Variants in SLC25A28 observed in about 807,000 individuals in gnomAD.
The protein encoded by SLC25A28 is mitoferrin-2.
Under a neutral mutation model 31.9 loss-of-function variants are expected in SLC25A28, and 10 were observed. That is an observed-to-expected ratio of 0.31 (90% CI 0.19 to 0.53). The LOEUF is 0.53. Among genes scored for constraint, SLC25A28 ranks in the 20% least tolerant of loss-of-function variants. The pLI, the probability that SLC25A28 is intolerant of heterozygous loss-of-function variation, is 0.95. For missense variants in SLC25A28, 256 were observed against 490.3 expected, an observed-to-expected ratio of 0.52 and a Z score of 4.51; for synonymous variants, 208 against 203.6, an observed-to-expected ratio of 1.02 and a Z score of -0.19.
intron 1 of SLC25A28, chr10:99,618,732 T>G: frequency 3.0e-6 from 3 of 985,460 alleles, no homozygotes; most frequent in South Asian, 9.4e-5. Context: ...GTTAAAATAC[T>G]CCTGCCAGTT....
At chr10:99,655,724 T>C in the SLC25A28 span, among the ~76,000 whole-genome samples, 1 of 152,216 alleles carries the variant, frequency 6.6e-6, no homozygotes, top group African/African-American at 2.4e-5. Flanking sequence ...TTTCATATTA[T>C]TAGCTAAAAT....
rs1218476246 is a variant in SLC25A28, at chr10:99,612,697, C to T, written c.521-98G>A. On this transcript the variant is annotated intron_variant, in intron 2 of 3. Transcript: ENST00000370495. ...GGGGAGTGGCTGTGCTACACTACAG[C>T]GGGGAAAAGTAACGTTAAGAGCTAG... 5.1e-6 allele frequency: 7 copies of T among 1,367,030 alleles called. 1 individual carries two copies. Among genetic ancestry groups the T allele is most frequent in the South Asian group, 3.5e-5 (3 of 85,996 alleles). The allele number at this position is 1,367,030 out of a possible 1,614,324, so 84.7% of individuals were successfully genotyped here.
the SLC25A28 span, among the ~76,000 whole-genome samples, chr10:99,646,024 G>A: frequency 6.6e-6 from 1 of 152,200 alleles, no homozygotes; most frequent in Non-Finnish European, 1.5e-5. Flanking sequence ...CCCACTTGAG[G>A]AGGCAGTCTG....
chr10:99,651,996 C>T, the SLC25A28 span: 4 of 152,164 alleles, frequency 2.6e-5, no homozygotes, highest in Non-Finnish European at 5.9e-5. Flanking sequence ...AGATTTTCTT[C>T]TCTATTTTCT....
chr10:99,648,198 C>T, the SLC25A28 span, among the ~76,000 whole-genome samples: 1 of 150,612 alleles, frequency 6.6e-6, no homozygotes, highest in African/African-American at 2.4e-5. Flanking sequence ...TGAGGTTTCA[C>T]CATGTTGACC....
At chr10:99,623,554 T>C (rs753781031), upstream of SLC25A28, among the ~76,000 whole-genome samples, 1 of 152,214 alleles carries the variant, frequency 6.6e-6, no homozygotes, top group African/African-American at 2.4e-5. Context: ...TACATCTGTA[T>C]TGTCATAACC....
At chr10:99,625,093 C>G (rs373039998), upstream of SLC25A28, among the ~76,000 whole-genome samples, 12 of 44,684 alleles carry the variant, frequency 2.7e-4, no homozygotes, top group South Asian at 7.1e-4. Context: ...TCCAGAGTTT[C>G]TTCCTTCCAG....
upstream of SLC25A28, among the ~76,000 whole-genome samples, chr10:99,625,019 G>A (rs369989413): frequency 9.1e-4 from 139 of 151,976 alleles, no homozygotes; most frequent in South Asian, 1.7e-3. Flanking sequence ...GGACACTCGC[G>A]GTGAGTGTTA....
the SLC25A28 span, among the ~76,000 whole-genome samples, chr10:99,647,379 T>C: frequency 3.3e-5 from 5 of 152,244 alleles, no homozygotes; most frequent in African/African-American, 1.2e-4. Flanking sequence ...TGGTATCTCA[T>C]TGTGGTTTTC....
intron 1 of SLC25A28, chr10:99,618,981 G>T (rs144920844): frequency 1.0e-6 from 1 of 985,264 alleles, no homozygotes; most frequent in Non-Finnish European, 1.2e-6. Flanking sequence ...AGGAGGCATC[G>T]GTCTTTGTCA....
At chr10:99,646,983 G>A in the SLC25A28 span, among the ~76,000 whole-genome samples, 17 of 152,248 alleles carry the variant, frequency 1.1e-4, no homozygotes, top group South Asian at 3.5e-3. Context: ...CAGTGTTGCT[G>A]GGAAAGATAT....
upstream of SLC25A28, chr10:99,620,952 TC>T (rs10718588): frequency 0.42 from 411,734 of 985,170 alleles, 86,535 homozygotes; most frequent in East Asian, 0.55. Flanking sequence ...CGACCCGCGC[TC>T]CCGTGCGCTC....
chr10:99,646,264 C>T, the SLC25A28 span, among the ~76,000 whole-genome samples: 32 of 152,328 alleles, frequency 2.1e-4, no homozygotes, highest in Middle Eastern at 0.01. Context: ...CAATGGCGGA[C>T]GCCCCTCCCC....
At position 99,617,010 on chromosome 10, in the gene SLC25A28, GTA is replaced by G. The variant is rs1195516967; in HGVS notation, c.291+3033_291+3034del. On this transcript the variant is annotated intron_variant, in intron 1 of 3. Transcript: ENST00000370495. ...TTCCTAATCTTTCACAGGTGAATATGTATAGATACCATTTACATCTGGAAATT... is the reference window on the plus strand; with the variant it reads ...TTCCTAATCTTTCACAGGTGAATATGTAGATACCATTTACATCTGGAAATT... 3.0e-6 allele frequency: 3 copies of G among 984,842 alleles called. No individual in the cohort carries two copies. The Admixed American group carries it at 1.9e-4, about 61-fold the overall frequency. 61.0% of individuals were successfully genotyped at this position (984,842 alleles called of 1,614,324 possible).
At chr10:99,648,870 G>C in the SLC25A28 span, among the ~76,000 whole-genome samples, 1 of 151,712 alleles carries the variant, frequency 6.6e-6, no homozygotes, top group African/African-American at 2.4e-5. Flanking sequence ...AACCCCAAAG[G>C]GTTTTCTAGA....
chr10:99,636,045 C>T, the SLC25A28 span, among the ~76,000 whole-genome samples: 3 of 152,270 alleles, frequency 2.0e-5, no homozygotes, highest in South Asian at 4.1e-4. Context: ...ACTCCACTGA[C>T]GGCACTAGAC....
chr10:99,651,594 C>CTTTTTTTTTTTTT, the SLC25A28 span, among the ~76,000 whole-genome samples: 667 of 110,056 alleles, frequency 6.1e-3, 33 homozygotes, highest in Non-Finnish European at 8.4e-3. Context: ...TTTTTCTTTT[C>CTTTTTTTTTTTTT]TTTTTTTTTT....
the SLC25A28 span, among the ~76,000 whole-genome samples, chr10:99,648,638 G>A: frequency 2.1e-5 from 3 of 145,364 alleles, no homozygotes; most frequent in Non-Finnish European, 4.5e-5. Context: ...ATGTTTTGTA[G>A]TTCTCCTTAT....
At chr10:99,622,567 C>T (rs997032341), upstream of SLC25A28, 4 of 818,772 alleles carry the variant, frequency 4.9e-6, no homozygotes, top group African/African-American at 1.9e-5. Flanking sequence ...AATGACCTTT[C>T]CAAATCCATC....
Sources: gnomAD v4.1 joint callset for allele counts (sites outside exome capture counted in the v4.1 genomes callset) on GRCh38, gnomAD v4.1.1 for gene constraint, MANE v1.5 for transcripts, NCBI Gene and HGNC (gene_info 2026-07-23, HGNC 2026-07-21) for gene names.